Variants in ZDHHC14 observed in about 807,000 individuals in gnomAD.
ZDHHC14 encodes the protein zDHHC palmitoyltransferase 14, also known as palmitoyltransferase ZDHHC14.
In ZDHHC14, 16 loss-of-function variants were observed where a neutral mutation model predicts 47.7. The ratio of observed to expected loss-of-function variants is 0.34; its 90% CI spans 0.23 to 0.51. ZDHHC14 has a LOEUF of 0.51. Ranked by LOEUF, ZDHHC14 falls within the 20% of genes least tolerant of loss-of-function variation. ZDHHC14 has a pLI of 0.97. For missense variants in ZDHHC14, 515 were observed against 662.5 expected, an observed-to-expected ratio of 0.78 and a Z score of 2.44; for synonymous variants, 293 against 278.9, an observed-to-expected ratio of 1.05 and a Z score of -0.50.
Position 157,676,840 on chromosome 6 carries a change from G to A in ZDHHC14, c.*3718G>A, listed in dbSNP as rs1448541289. On this transcript the variant is annotated 3_prime_UTR_variant, in exon 9 of 9. Transcript: ENST00000359775. ...CCTACAACCATCCTCTTCATGCCAG[G>A]AACCAACTGCTTCTCAGCCTCGGCT... 1 of 152,252 alleles carries A rather than the reference G, an allele frequency of 6.6e-6. No individual in the cohort carries two copies. The highest frequency in any genetic ancestry group is 6.5e-5 in the Admixed American group (1 of 15,276). 9.4% of individuals were successfully genotyped at this position (152,252 alleles called of 1,614,324 possible).
At chr6:157,529,482 C>A (rs969433726) in intron 1 of ZDHHC14, among the ~76,000 whole-genome samples, 1 of 152,074 alleles carries the variant, frequency 6.6e-6, no homozygotes. Context: ...GTGTAGAAAC[C>A]ACAGAGCTTG....
At chr6:157,434,691 G>GTGGT (rs773411019) in intron 1 of ZDHHC14, among the ~76,000 whole-genome samples, 2 of 152,168 alleles carry the variant, frequency 1.3e-5, no homozygotes, top group Non-Finnish European at 2.9e-5. Flanking sequence ...GTTTGTCAGT[G>GTGGT]TGGTTGGGCC....
intron 3 of ZDHHC14, among the ~76,000 whole-genome samples, chr6:157,615,124 C>T (rs1490877929): frequency 1.3e-5 from 2 of 152,250 alleles, no homozygotes; most frequent in Admixed American, 6.5e-5. Flanking sequence ...CACGGGCCCC[C>T]GACATTCCAT....
At chr6:157,623,567 G>A (rs1174056012) in intron 3 of ZDHHC14, among the ~76,000 whole-genome samples, 1 of 130,102 alleles carries the variant, frequency 7.7e-6, no homozygotes, top group African/African-American at 3.0e-5. Flanking sequence ...TTTTGAGACA[G>A]AGTCTTGCTC....
At chr6:157,446,109 C>T (rs2114797366) in intron 1 of ZDHHC14, among the ~76,000 whole-genome samples, 1 of 152,312 alleles carries the variant, frequency 6.6e-6, no homozygotes, top group East Asian at 1.9e-4. Context: ...TTCCATTATA[C>T]TTCTTGCAAC....
intron 8 of ZDHHC14, among the ~76,000 whole-genome samples, chr6:157,654,971 G>A (rs1340822342): frequency 6.6e-6 from 1 of 152,118 alleles, no homozygotes; most frequent in Non-Finnish European, 1.5e-5. Context: ...CTGACCTCAG[G>A]TGATCCACCT....
At chr6:157,610,220 G>A (rs965550690) in intron 3 of ZDHHC14, among the ~76,000 whole-genome samples, 2 of 152,182 alleles carry the variant, frequency 1.3e-5, no homozygotes, top group African/African-American at 2.4e-5. Flanking sequence ...CGAGGCAGGC[G>A]GATCATGAGG....
intron 2 of ZDHHC14, among the ~76,000 whole-genome samples, chr6:157,579,220 T>C (rs1783426378): frequency 2.1e-5 from 2 of 93,468 alleles, no homozygotes; most frequent in Non-Finnish European, 4.2e-5. Context: ...TTTTTTTGGA[T>C]GGAGTCTCAC....
intron 2 of ZDHHC14, among the ~76,000 whole-genome samples, chr6:157,552,770 T>G (rs1782289566): frequency 6.6e-6 from 1 of 152,146 alleles, no homozygotes; most frequent in South Asian, 2.1e-4. Context: ...AGGGACAGCT[T>G]GTTTCCTAGC....
At chr6:157,592,691 G>A (rs1360237959) in intron 2 of ZDHHC14, 4 of 1,096,758 alleles carry the variant, frequency 3.6e-6, no homozygotes, top group East Asian at 5.4e-5. Flanking sequence ...AGGGAGGGGA[G>A]GGGGAAGGAG....
chr6:157,557,781 A>G lies in ZDHHC14; in HGVS notation c.406+15036A>G, dbSNP rs528138281. On this transcript the variant is annotated intron_variant, in intron 2 of 8. Transcript: ENST00000359775. ...CTCAGTGCTCCCAAGCAAATAGACT[A>G]GCAAAGGAATGGCGGCCACTCCCCT... Among the ~76,000 whole-genome samples the G allele has an allele frequency of 7.9e-5, 12 of 152,322 alleles. No homozygotes were observed. The South Asian group carries it at 1.7e-3, about 21-fold the overall frequency.
At chr6:157,552,969 C>G (rs536595043) in intron 2 of ZDHHC14, among the ~76,000 whole-genome samples, 35 of 152,342 alleles carry the variant, frequency 2.3e-4, no homozygotes, top group African/African-American at 7.9e-4. Flanking sequence ...TGAAGGCAGA[C>G]TGTATTCAGG....
intron 1 of ZDHHC14, among the ~76,000 whole-genome samples, chr6:157,428,004 G>T (rs1301958391): frequency 6.6e-6 from 1 of 151,886 alleles, no homozygotes; most frequent in Non-Finnish European, 1.5e-5. Context: ...ATGTGAAGGA[G>T]GAATAGGGAT....
intron 1 of ZDHHC14, among the ~76,000 whole-genome samples, chr6:157,475,539 C>T (rs1779460493): frequency 6.6e-6 from 1 of 152,070 alleles, no homozygotes; most frequent in African/African-American, 2.4e-5. Flanking sequence ...TTTCTTTCAT[C>T]AGTGTTTTAT....
At chr6:157,528,842 CTG>C (rs1781263669) in intron 1 of ZDHHC14, among the ~76,000 whole-genome samples, 1 of 137,252 alleles carries the variant, frequency 7.3e-6, no homozygotes, top group Non-Finnish European at 1.5e-5. Flanking sequence ...TAGATGAAGA[CTG>C]GGGGTGGGAG....
Position 157,628,480 on chromosome 6 carries a change from A to G in ZDHHC14, c.697A>G (p.Ile233Val), listed in dbSNP as rs1785529103. 1 of 1,611,886 alleles carries G rather than the reference A, an allele frequency of 6.2e-7. No homozygotes were observed. Among genetic ancestry groups the G allele is most frequent in the South Asian group, 1.1e-5 (1 of 90,548 alleles). ...FIFAFVITHV[I>V]LRSQQTGFLN... ...ATTTGCATTCGTTATCACCCACGTCATTCTTCGTAAGTATGCTGGCGAAAT... is the reference window on the plus strand; with the variant it reads ...ATTTGCATTCGTTATCACCCACGTCGTTCTTCGTAAGTATGCTGGCGAAAT... Residue 233 changes from isoleucine (I) to valine (V), a missense_variant, in exon 4 of 9, where the codon ATT (isoleucine) becomes GTT (valine). By Grantham distance (29) the Ile-to-Val change is conservative. Transcript: ENST00000359775.
At chr6:157,591,444 C>T (rs370263182) in intron 2 of ZDHHC14, among the ~76,000 whole-genome samples, 1 of 152,236 alleles carries the variant, frequency 6.6e-6, no homozygotes. Context: ...TTATAAGAGG[C>T]TTTTTCCCCC....
intron 1 of ZDHHC14, among the ~76,000 whole-genome samples, chr6:157,487,296 C>G (rs1011328227): frequency 6.6e-6 from 1 of 152,192 alleles, no homozygotes; most frequent in South Asian, 2.1e-4. Flanking sequence ...AGACCAGGTG[C>G]AGGTCAGCTG....
intron 8 of ZDHHC14, among the ~76,000 whole-genome samples, chr6:157,665,230 C>G (rs1232638631): frequency 6.6e-6 from 1 of 152,186 alleles, no homozygotes; most frequent in Non-Finnish European, 1.5e-5. Flanking sequence ...CTCCATCATT[C>G]CTGGGAGTAG....
Sources: allele counts gnomAD v4.1 joint callset (sites outside exome capture counted in the v4.1 genomes callset), GRCh38; gene constraint gnomAD v4.1.1; transcripts MANE v1.5; gene names NCBI Gene and HGNC (gene_info 2026-07-23, HGNC 2026-07-21).